Variants in MCU observed in about 807,000 individuals in gnomAD.
The protein encoded by MCU is mitochondrial calcium uniporter.
In MCU, 12 loss-of-function variants were observed where a neutral mutation model predicts 45.2. That is an observed-to-expected ratio of 0.27 (90% CI 0.17 to 0.43). MCU has a LOEUF of 0.43. MCU is among the 20% of genes least tolerant of loss of function. The probability of loss-of-function intolerance (pLI) is 1.00; values close to 1 mark genes in which losing one functional copy is unlikely to be tolerated. For missense variants in MCU, 324 were observed against 436.7 expected (o/e 0.74, Z 2.30); for synonymous variants, 160 against 165.1 (o/e 0.97, Z 0.24).
In MCU at chr10:72,715,481, T is replaced by G. The variant is rs187870202; in HGVS notation, c.150+23180T>G. On this transcript the variant is annotated intron_variant, in intron 1 of 7. Coordinates refer to ENST00000373053, the MANE Select transcript of MCU (RefSeq NM_138357.3). ...CTGATCTTAGCCTGATTAGACCATA[T>G]TGGTAAACAACCCCAATAAATCAGA... is the stretch of plus-strand genomic sequence containing the variant. Among the ~76,000 whole-genome samples, 557 of 152,224 alleles carry G rather than the reference T, an allele frequency of 3.7e-3. 2 individuals are homozygous for G. The highest frequency in any genetic ancestry group is 6.0e-3 in the Non-Finnish European group (411 of 68,008).
chr10:72,694,871 A>G (rs749703391), intron 1 of MCU, among the ~76,000 whole-genome samples: 14 of 152,212 alleles, frequency 9.2e-5, no homozygotes, highest in Non-Finnish European at 1.3e-4. Context: ...GGTAAGTGCA[A>G]TTATGAAGTT....
At chr10:72,857,795 G>T (rs910990924) in intron 2 of MCU, among the ~76,000 whole-genome samples, 3 of 152,078 alleles carry the variant, frequency 2.0e-5, no homozygotes, top group African/African-American at 7.2e-5. Flanking sequence ...TACAAATCAA[G>T]AATACTGAGG....
intron 1 of MCU, among the ~76,000 whole-genome samples, chr10:72,710,448 A>G (rs377108338): frequency 1.3e-5 from 2 of 151,858 alleles, no homozygotes; most frequent in South Asian, 4.2e-4. Context: ...AGCATTAGAC[A>G]GTCATAGCAC....
At chr10:72,730,174 T>C (rs1310372049) in intron 1 of MCU, among the ~76,000 whole-genome samples, 1 of 152,048 alleles carries the variant, frequency 6.6e-6, no homozygotes, top group Admixed American at 6.6e-5. Flanking sequence ...TTGGCCAGGC[T>C]GGTATCTAAC....
At chr10:72,791,304 A>G (rs1008929754) in intron 1 of MCU, among the ~76,000 whole-genome samples, 5 of 152,202 alleles carry the variant, frequency 3.3e-5, no homozygotes, top group African/African-American at 1.2e-4. Flanking sequence ...ACAGTTAAAA[A>G]GTTGTGCAGA....
At chr10:72,804,520 G>A (rs1038372693) in intron 1 of MCU, among the ~76,000 whole-genome samples, 4 of 151,964 alleles carry the variant, frequency 2.6e-5, no homozygotes, top group Admixed American at 2.6e-4. Context: ...CATACTCTTT[G>A]ATCACTTCTT....
At chr10:72,749,403 G>A (rs1843462405) in intron 1 of MCU, among the ~76,000 whole-genome samples, 1 of 152,196 alleles carries the variant, frequency 6.6e-6, no homozygotes, top group African/African-American at 2.4e-5. Flanking sequence ...GTATTTACTA[G>A]AGTGTGAAGC....
intron 1 of MCU, among the ~76,000 whole-genome samples, chr10:72,792,059 G>A (rs1324384061): frequency 6.6e-6 from 1 of 152,088 alleles, no homozygotes; most frequent in Non-Finnish European, 1.5e-5. Context: ...TTATAAAACC[G>A]AACTGGGGTT....
chr10:72,751,733 C>T lies in MCU; in HGVS notation c.150+59432C>T, dbSNP rs532692372. ...TCCTTTGAGACATTGTTATTAATCC[C>T]TCAGTGTCATTCCTTTGAGACATTG... On this transcript the variant is annotated intron_variant, in intron 1 of 7. Transcript: ENST00000373053. Among the ~76,000 whole-genome samples, 10 of 152,156 alleles carry T rather than the reference C, an allele frequency of 6.6e-5. No individual in the cohort carries two copies. The South Asian group carries it at 2.1e-3, about 32-fold the overall frequency.
At chr10:72,881,975 G>A (rs941593682) in intron 6 of MCU, among the ~76,000 whole-genome samples, 8 of 152,214 alleles carry the variant, frequency 5.3e-5, no homozygotes, top group Admixed American at 6.5e-5. Flanking sequence ...GACCCCAAAC[G>A]GAGGGACCGG....
rs539372164 is a variant in MCU, at chr10:72,807,128, T to C, written c.151-27231T>C. Among the ~76,000 whole-genome samples the C allele has an allele frequency of 2.0e-5, 3 of 152,270 alleles. No individual in the cohort carries two copies. In the South Asian group the frequency reaches 6.2e-4, roughly 32 times the overall value. On this transcript the variant is annotated intron_variant, in intron 1 of 7. Transcript: ENST00000373053. Reference sequence around the variant, plus strand: ...TTTTATTGCTTTTCACACTCAGGAGTAGCATTTTCATTTATTATGTGGAAA... The same window carrying C: ...TTTTATTGCTTTTCACACTCAGGAGCAGCATTTTCATTTATTATGTGGAAA...
intron 1 of MCU, among the ~76,000 whole-genome samples, chr10:72,752,204 G>T (rs972732382): frequency 6.6e-6 from 1 of 151,098 alleles, no homozygotes; most frequent in African/African-American, 2.4e-5. Context: ...TACTTTTCAC[G>T]CATTATCTCA....
At chr10:72,781,149 A>G (rs1589456729) in intron 1 of MCU, among the ~76,000 whole-genome samples, 1 of 152,248 alleles carries the variant, frequency 6.6e-6, no homozygotes, top group Admixed American at 6.5e-5. Context: ...AATATTTGAT[A>G]TAGAATCTGG....
chr10:72,808,257 G>C (rs1247162559), intron 1 of MCU, among the ~76,000 whole-genome samples: 2 of 152,198 alleles, frequency 1.3e-5, no homozygotes, highest in Non-Finnish European at 2.9e-5. Context: ...AGCCAAATGA[G>C]AACAGATTCA....
At chr10:72,857,386 TGCACCACCATG>T (rs1205561675) in intron 2 of MCU, among the ~76,000 whole-genome samples, 1 of 151,950 alleles carries the variant, frequency 6.6e-6, no homozygotes, top group Non-Finnish European at 1.5e-5. Flanking sequence ...ACTACAAGCG[TGCACCACCATG>T]CCCAGCTAAT....
At chr10:72,743,241 T>A (rs1242380460) in intron 1 of MCU, among the ~76,000 whole-genome samples, 1 of 151,470 alleles carries the variant, frequency 6.6e-6, no homozygotes, top group East Asian at 1.9e-4. Flanking sequence ...AAACCCCGTC[T>A]CCAGTAAAAA....
rs1005842502 is a variant in MCU, at chr10:72,861,764, C to T, written c.496+1237C>T. 20 of 316,924 alleles carry T rather than the reference C, an allele frequency of 6.3e-5. No homozygotes were observed. In the East Asian group the frequency reaches 6.7e-4, roughly 11 times the overall value. The allele number at this position is 316,924 out of a possible 1,614,324, so 19.6% of individuals were successfully genotyped here. On this transcript the variant is annotated intron_variant, in intron 4 of 7. Transcript: ENST00000373053. ...TACCTGCCTCAGCCTCCCAAAGTGC[C>T]GAGATTATAGCCGTGAGTCACCGCA...
chr10:72,876,197 C>T (rs1325189868), intron 6 of MCU, among the ~76,000 whole-genome samples: 4 of 152,094 alleles, frequency 2.6e-5, no homozygotes. Flanking sequence ...TAGAACTGTC[C>T]CACTTATAAT....
intron 1 of MCU, among the ~76,000 whole-genome samples, chr10:72,815,126 G>C (rs933894800): frequency 1.3e-5 from 2 of 152,192 alleles, no homozygotes; most frequent in Non-Finnish European, 2.9e-5. Context: ...ACTTGTAAAG[G>C]GCCAAAAGTA....
Sources: gnomAD v4.1 joint callset for allele counts (sites outside exome capture counted in the v4.1 genomes callset) on GRCh38, gnomAD v4.1.1 for gene constraint, MANE v1.5 for transcripts, NCBI Gene and HGNC (gene_info 2026-07-23, HGNC 2026-07-21) for gene names.